The following DYRK1A variants were observed in gnomAD, a reference collection of about 807,000 sequenced individuals.
DYRK1A encodes the protein dual specificity tyrosine phosphorylation regulated kinase 1A.
A neutral mutation model predicts 79.7 loss-of-function variants in DYRK1A; 9 were observed. The observed-to-expected ratio is 0.11, with a 90% CI of 0.07 to 0.20. The LOEUF (loss-of-function observed/expected upper bound fraction) is 0.20. Ranked by LOEUF, DYRK1A falls within the 10% of genes least tolerant of loss-of-function variation. The probability of loss-of-function intolerance (pLI) is 1.00; values close to 1 mark genes in which losing one functional copy is unlikely to be tolerated. For synonymous variants in DYRK1A, 349 were observed against 329.7 expected (o/e 1.06, Z -0.63); for missense variants, 622 against 956.0 (o/e 0.65, Z 4.61).
At chr21:37,390,899 G>A (rs539490227) in intron 1 of DYRK1A, among the ~76,000 whole-genome samples, 2 of 152,248 alleles carry the variant, frequency 1.3e-5, no homozygotes, top group South Asian at 4.2e-4. Flanking sequence ...TCCTGATTTA[G>A]AACAGTTTCT....
At chr21:37,478,116 G>A in intron 3 of DYRK1A, 92 bp from the exon 4 acceptor site, 1 of 1,541,600 alleles carries the variant, frequency 6.5e-7, no homozygotes, top group Non-Finnish European at 8.8e-7. Flanking sequence ...GTAGATACAT[G>A]CAGGTTACAG....
At chr21:37,409,984 T>C (rs1394150031) in intron 1 of DYRK1A, among the ~76,000 whole-genome samples, 1 of 152,244 alleles carries the variant, frequency 6.6e-6, no homozygotes, top group Non-Finnish European at 1.5e-5. Flanking sequence ...TATATTCTGT[T>C]ATGAAACGGA....
intron 2 of DYRK1A, among the ~76,000 whole-genome samples, chr21:37,432,637 A>G (rs2050807502): frequency 6.6e-6 from 1 of 152,152 alleles, no homozygotes; most frequent in South Asian, 2.1e-4. Flanking sequence ...AATTGTTAGT[A>G]TGGTATGATT....
intron 1 of DYRK1A, among the ~76,000 whole-genome samples, chr21:37,400,058 G>T (rs970553346): frequency 2.0e-5 from 3 of 152,194 alleles, no homozygotes; most frequent in Admixed American, 6.5e-5. Flanking sequence ...GGTGTTGGCA[G>T]GGCCAGGGCT....
chr21:37,500,345 CT>C (rs1256937050), intron 9 of DYRK1A, among the ~76,000 whole-genome samples: 5 of 152,082 alleles, frequency 3.3e-5, no homozygotes, highest in Admixed American at 6.5e-5. Context: ...ATACTATTCC[CT>C]TATATATATT....
rs575721421 is a variant in DYRK1A at position 37,475,797 on chromosome 21, A to T, written c.208-2411A>T. Among the ~76,000 whole-genome samples, 7 of 151,822 alleles carry T rather than the reference A, an allele frequency of 4.6e-5. No individual in the cohort carries two copies. The South Asian group carries it at 6.2e-4, about 14-fold the overall frequency. ...TTTGTATATGTACTGTATATTTGAA[A>T]TTTTTTTTTGATTATATGTGATTTT... On this transcript the variant is annotated intron_variant, in intron 3 of 11. Transcript: ENST00000647188.
At chr21:37,410,710 C>T (rs1001936882) in intron 1 of DYRK1A, 4 of 152,118 alleles carry the variant, frequency 2.6e-5, no homozygotes, top group African/African-American at 9.7e-5. Context: ...ATGTTAATTC[C>T]AGTTTTCTCA....
chr21:37,432,927 G>T (rs564894487), intron 2 of DYRK1A, among the ~76,000 whole-genome samples: 8 of 149,458 alleles, frequency 5.4e-5, no homozygotes, highest in Non-Finnish European at 7.4e-5. Context: ...AGTGAGCCGA[G>T]ATCGCGCCAT....
chr21:37,366,008 C>A (rs2049294470), upstream of DYRK1A: 1 of 152,148 alleles, frequency 6.6e-6, no homozygotes, highest in Non-Finnish European at 1.5e-5. Context: ...GGCGCAGCGT[C>A]CGGAATTCCT....
At chr21:37,486,689 A>C (rs1254095306) in intron 6 of DYRK1A, 75 bp downstream of exon 6, 10 of 1,306,862 alleles carry the variant, frequency 7.7e-6, no homozygotes, top group African/African-American at 4.6e-5. Flanking sequence ...TTTTCTATCA[A>C]AATATTTTGA....
intron 1 of DYRK1A, among the ~76,000 whole-genome samples, chr21:37,389,396 G>C (rs1602386237): frequency 1.3e-5 from 2 of 152,222 alleles, no homozygotes; most frequent in African/African-American, 4.8e-5. Flanking sequence ...GAACTTCTGG[G>C]CTCAAGCAGT....
chr21:37,506,797 G>A lies in DYRK1A; in HGVS notation c.1644+574G>A, dbSNP rs577342506. On this transcript the variant is annotated intron_variant, in intron 11 of 11. Coordinates refer to ENST00000647188, the MANE Select transcript of DYRK1A (RefSeq NM_001347721.2). ...AAATAATCTAATAAAGTTGTAAGTT[G>A]GTTCATACCGAGTTTTGCGTGATGG... is the stretch of plus-strand genomic sequence containing the variant. Among the ~76,000 whole-genome samples the A allele has an allele frequency of 5.8e-4, 88 of 152,282 alleles. 1 individual carries two copies. The highest frequency in any genetic ancestry group is 9.8e-4 in the Non-Finnish European group (67 of 68,028).
intron 6 of DYRK1A, among the ~76,000 whole-genome samples, chr21:37,489,591 C>G (rs2053004817): frequency 6.6e-6 from 1 of 150,742 alleles, no homozygotes; most frequent in Non-Finnish European, 1.5e-5. Flanking sequence ...ATACTTTTAC[C>G]AAAGCATGAT....
intron 2 of DYRK1A, among the ~76,000 whole-genome samples, chr21:37,455,228 T>TA (rs934848037): frequency 6.6e-5 from 10 of 152,090 alleles, no homozygotes; most frequent in Non-Finnish European, 1.2e-4. Flanking sequence ...TTTCCAGTGT[T>TA]ATGGAGTTAA....
intron 1 of DYRK1A, among the ~76,000 whole-genome samples, chr21:37,386,969 A>T (rs1046621640): frequency 6.6e-6 from 1 of 152,214 alleles, no homozygotes. Context: ...ATGGGATTAC[A>T]CTTAGACCAG....
intron 2 of DYRK1A, among the ~76,000 whole-genome samples, chr21:37,438,392 A>G (rs1390516321): frequency 6.6e-6 from 1 of 152,038 alleles, no homozygotes; most frequent in Non-Finnish European, 1.5e-5. Flanking sequence ...TCCCATGATC[A>G]AAAACGTTTT....
chr21:37,406,879 T>G (rs2050157874), intron 1 of DYRK1A, among the ~76,000 whole-genome samples: 1 of 148,824 alleles, frequency 6.7e-6, no homozygotes. Context: ...AATTTTAATA[T>G]CCTAATTACC....
At chr21:37,369,428 C>T (rs995986507) in intron 1 of DYRK1A, among the ~76,000 whole-genome samples, 5 of 152,192 alleles carry the variant, frequency 3.3e-5, no homozygotes, top group African/African-American at 1.2e-4. Context: ...AGATTTTTTA[C>T]GCATACTTCA....
At chr21:37,493,415 C>A (rs888755824) in intron 8 of DYRK1A, among the ~76,000 whole-genome samples, 2 of 152,134 alleles carry the variant, frequency 1.3e-5, no homozygotes, top group African/African-American at 4.8e-5. Flanking sequence ...TTTTGGCATA[C>A]ATTTTACAGG....
Sources: allele counts gnomAD v4.1 joint callset (sites outside exome capture counted in the v4.1 genomes callset), GRCh38; gene constraint gnomAD v4.1.1; transcripts MANE v1.5; gene names NCBI Gene and HGNC (gene_info 2026-07-23, HGNC 2026-07-21).